Variants in DNAAF5 observed in about 807,000 individuals in gnomAD.
The protein encoded by DNAAF5 is dynein axonemal assembly factor 5.
DNAAF5 carries 64 observed loss-of-function variants against 75.8 expected under a neutral mutation model. The observed-to-expected ratio is 0.84, with a 90% CI of 0.69 to 1.04. The LOEUF is 1.04. DNAAF5 is among the 50% of genes least tolerant of loss of function. DNAAF5 has a pLI of 0.00. For synonymous variants in DNAAF5, 657 were observed against 557.2 expected, an observed-to-expected ratio of 1.18 and a Z score of -2.52; for missense variants, 1,269 against 1,178.5, an observed-to-expected ratio of 1.08 and a Z score of -1.12.
intron 12 of DNAAF5, among the ~76,000 whole-genome samples, chr7:784,788 C>T (rs1163675593): frequency 6.6e-6 from 1 of 152,198 alleles, no homozygotes; most frequent in South Asian, 2.1e-4. Flanking sequence ...AGCCTATTTG[C>T]TCCTGTGAAA....
In DNAAF5 at chr7:754,024, G is replaced by A. The variant is rs373197121; in HGVS notation, c.1025-565G>A. On this transcript the variant is annotated intron_variant, in intron 4 of 12. Coordinates refer to ENST00000297440, the MANE Select transcript of DNAAF5 (RefSeq NM_017802.4). The surrounding 1 kb of genome is among the most constrained non-coding windows in gnomAD (Gnocchi z 4.8). ...TCTCTGATCATAGGGGGACGGCTTCGCAGGCGTGTCTCTCATCATATGGCG... is the reference window on the plus strand; with the variant it reads ...TCTCTGATCATAGGGGGACGGCTTCACAGGCGTGTCTCTCATCATATGGCG... Among the ~76,000 whole-genome samples the A allele has an allele frequency of 3.8e-4, 52 of 136,506 alleles. No individual in the cohort carries two copies. The South Asian group carries it at 6.9e-3, about 18-fold the overall frequency. The allele number at this position is 136,506 out of a possible 152,430, so 89.6% of individuals were successfully genotyped here.
chr7:755,126 G>A (rs573953922), intron 5 of DNAAF5, among the ~76,000 whole-genome samples: 9 of 152,326 alleles, frequency 5.9e-5, no homozygotes, highest in African/African-American at 1.9e-4. Flanking sequence ...GACAGGGCCC[G>A]GGCTGCTGAC....
At chr7:768,907 C>T (rs1043945766) in intron 8 of DNAAF5, 2 of 531,594 alleles carry the variant, frequency 3.8e-6, no homozygotes, top group Non-Finnish European at 6.8e-6. Context: ...TCAGAAGCAG[C>T]GTGGTTCTCG....
intron 4 of DNAAF5, among the ~76,000 whole-genome samples, chr7:744,201 G>A (rs1782010842): frequency 1.3e-5 from 2 of 151,888 alleles, no homozygotes; most frequent in East Asian, 3.9e-4. Context: ...TTGGTTTTTT[G>A]TTCTTGCGAT....
Position 785,608 on chromosome 7 carries a change from C to CG in DNAAF5, c.2524dup (p.Glu842GlyfsTer48). On this transcript the variant is annotated frameshift_variant, in exon 13 of 13. Coordinates refer to ENST00000297440, the MANE Select transcript of DNAAF5 (RefSeq NM_017802.4). LOFTEE classifies it high-confidence loss of function. ...ACAAGCACCGCTCGGCCACCTACTG[C>CG]GAGCAGCTCCTGCAGCATGTGCAGG... 1 of 1,613,198 alleles carries CG rather than the reference C, an allele frequency of 6.2e-7. No homozygotes were observed. Among genetic ancestry groups the CG allele is most frequent in the South Asian group, 1.1e-5 (1 of 91,086 alleles).
chr7:751,161 G>T (rs148681399), intron 4 of DNAAF5, among the ~76,000 whole-genome samples: 3 of 151,150 alleles, frequency 2.0e-5, no homozygotes, highest in South Asian at 2.1e-4. Context: ...AAAAAAAAAC[G>T]AAGAGAGGTG....
chr7:745,406 A>T (rs1782054301), intron 4 of DNAAF5, among the ~76,000 whole-genome samples: 1 of 149,864 alleles, frequency 6.7e-6, no homozygotes, highest in South Asian at 2.2e-4. Context: ...AAGGGAGAAG[A>T]CAGAGCGAGG....
rs1781507826 is a variant in DNAAF5 at position 729,833 on chromosome 7, G to A, written c.766G>A (p.Asp256Asn). 1.2e-6 allele frequency: 2 copies of A among 1,614,178 alleles called. No individual in the cohort carries two copies. Among genetic ancestry groups the A allele is most frequent in the East Asian group, 4.5e-5 (2 of 44,886 alleles). Residue 256 changes from aspartate to asparagine, a missense_variant, in exon 2 of 13, where the codon GAT becomes AAT. Physicochemically the swap from Asp to Asn is conservative, Grantham distance 23. Coordinates refer to ENST00000297440, the MANE Select transcript of DNAAF5 (RefSeq NM_017802.4). ...TTCCCATTTTGCTCAGCGACTGTTT[G>A]ATGACGTCCCGCAGGTAACTGGTGT... ...VLSHFAQRLF[D>N]DVPQVRRAVA...
At chr7:774,537 A>G (rs1303398628) in intron 10 of DNAAF5, among the ~76,000 whole-genome samples, 1 of 140,902 alleles carries the variant, frequency 7.1e-6, no homozygotes, top group Non-Finnish European at 1.6e-5. Flanking sequence ...GATCCAGGCC[A>G]GAGGACGGGC....
intron 8 of DNAAF5, among the ~76,000 whole-genome samples, chr7:765,485 G>T (rs148804162): frequency 6.6e-6 from 1 of 152,272 alleles, no homozygotes; most frequent in Non-Finnish European, 1.5e-5. Flanking sequence ...GACGTGGCTT[G>T]CAGTGAAGCC....
At chr7:745,443 T>C (rs749317285) in intron 4 of DNAAF5, among the ~76,000 whole-genome samples, 26 of 144,902 alleles carry the variant, frequency 1.8e-4, no homozygotes, top group Middle Eastern at 3.7e-3. Context: ...CACACACACA[T>C]ATTCACATGC....
chr7:747,699 C>T lies in DNAAF5; in HGVS notation c.1024+6234C>T, dbSNP rs187658370. On this transcript the variant is annotated intron_variant, in intron 4 of 12. Transcript: ENST00000297440. ...GTGTCCGGCTGGTGTGCAGTGGTGGCCCACGGTGTTGGTGGGGTTTGCTGG... is the reference window on the plus strand; with the variant it reads ...GTGTCCGGCTGGTGTGCAGTGGTGGTCCACGGTGTTGGTGGGGTTTGCTGG... Among the ~76,000 whole-genome samples the T allele has an allele frequency of 1.2e-3, 152 of 124,260 alleles. 5 individuals are homozygous for T. In the East Asian group the frequency reaches 0.037, roughly 31 times the overall value. The allele number at this position is 124,260 out of a possible 152,430, so 81.5% of individuals were successfully genotyped here.
intron 4 of DNAAF5, among the ~76,000 whole-genome samples, chr7:748,484 G>A (rs537599920): frequency 5.2e-4 from 79 of 152,306 alleles, no homozygotes; most frequent in African/African-American, 1.8e-3. Context: ...TTCTGAGTGC[G>A]GAGTTTGAGG....
intron 5 of DNAAF5, among the ~76,000 whole-genome samples, chr7:755,947 A>C (rs1456189943): frequency 2.0e-5 from 3 of 151,832 alleles, no homozygotes; most frequent in South Asian, 2.1e-4. Flanking sequence ...CCCACGGTGC[A>C]GAGGGGCTGG....
Position 745,718 on chromosome 7 carries a change from A to G in DNAAF5, c.1024+4253A>G, listed in dbSNP as rs1342399978. Among the ~76,000 whole-genome samples the G allele has an allele frequency of 2.6e-5, 4 of 152,150 alleles. 1 individual carries two copies. The highest frequency in any genetic ancestry group is 2.6e-4 in the Admixed American group (4 of 15,290). On this transcript the variant is annotated intron_variant, in intron 4 of 12. Coordinates refer to ENST00000297440, the MANE Select transcript of DNAAF5 (RefSeq NM_017802.4). ...GCACACGTGTGTACATGCATATCAC[A>G]CGTACGTGTGTGTGCACATACATGT...
At position 727,147 on chromosome 7, in the gene DNAAF5, C is replaced by T. The variant is rs1328465102; in HGVS notation, c.427C>T (p.Leu143=). ...GCCCGAGGCCTGTGAGGAGCTGCGC[C>T]TGGCGCTTGTGCAGCTGCTGGGCCT... ...RPPEACEELR[L]ALVQLLGLAV... The change falls in exon 1 of 13, where the codon CTG becomes TTG. Residue 143 remains leucine (L), a synonymous_variant. Coordinates refer to ENST00000297440, the MANE Select transcript of DNAAF5 (RefSeq NM_017802.4). 4.8e-6 allele frequency: 6 copies of T among 1,259,788 alleles called. No individual in the cohort carries two copies. The South Asian group carries it at 6.7e-5, about 14-fold the overall frequency. 78.0% of individuals were successfully genotyped at this position (1,259,788 alleles called of 1,614,324 possible).
rs974832857 is a variant in DNAAF5, at chr7:761,981, T to C, written c.1614+85T>C. On this transcript the variant is annotated intron_variant, in intron 7 of 12. Coordinates refer to ENST00000297440, the MANE Select transcript of DNAAF5 (RefSeq NM_017802.4). ...TCTAAGTGAGGTGAACTGTCTCCTA[T>C]GCATCCCCTCTGTGCTTGACCAGCA... 37 of 221,136 alleles carry C rather than the reference T, an allele frequency of 1.7e-4. No individual in the cohort carries two copies. The Admixed American group carries it at 3.4e-3, about 20-fold the overall frequency. 13.7% of individuals were successfully genotyped at this position (221,136 alleles called of 1,614,324 possible).
intron 11 of DNAAF5, among the ~76,000 whole-genome samples, chr7:776,233 G>T (rs1038375524): frequency 3.3e-5 from 5 of 152,114 alleles, no homozygotes; most frequent in Admixed American, 1.3e-4. Context: ...CTACTCAGGA[G>T]GCTGAGGCAA....
Position 742,760 on chromosome 7 carries a change from C to T in DNAAF5, c.1024+1295C>T, listed in dbSNP as rs557488921. ...AATCAGATGCCCAGCCCAAATCAGA[C>T]GCCCAGCTCAAATCACATGCCCAGC... On this transcript the variant is annotated intron_variant, in intron 4 of 12. Coordinates refer to ENST00000297440, the MANE Select transcript of DNAAF5 (RefSeq NM_017802.4). 1.2e-4 allele frequency among the ~76,000 whole-genome samples: 18 copies of T among 144,534 alleles called. No homozygotes were observed. The South Asian group carries it at 3.4e-3, about 27-fold the overall frequency. The allele number at this position is 144,534 out of a possible 152,430, so 94.8% of individuals were successfully genotyped here. A position where few individuals can be genotyped will look rare whatever the true frequency, so the allele number is the denominator to read the frequency against.
Sources: gnomAD v4.1 joint callset for allele counts (sites outside exome capture counted in the v4.1 genomes callset) on GRCh38, gnomAD v4.1.1 for gene constraint, Gnocchi (gnomAD v3.1) non-coding constraint, MANE v1.5 for transcripts, NCBI Gene and HGNC (gene_info 2026-07-23, HGNC 2026-07-21) for gene names.